Variants in PABPC1 observed in about 807,000 individuals in gnomAD.
PABPC1 encodes the protein poly(A) binding protein cytoplasmic 1.
A neutral mutation model predicts 74.0 loss-of-function variants in PABPC1; 4 were observed. The observed-to-expected ratio is 0.05, with a 90% CI of 0.03 to 0.12. PABPC1 has a LOEUF of 0.12. PABPC1 is among the 10% of genes least tolerant of loss of function. The pLI, the probability that PABPC1 is intolerant of heterozygous loss-of-function variation, is 1.00. For missense variants in PABPC1, 271 were observed against 821.1 expected, an observed-to-expected ratio of 0.33 and a Z score of 8.19; for synonymous variants, 227 against 264.1, an observed-to-expected ratio of 0.86 and a Z score of 1.36.
Position 100,721,645 on chromosome 8 carries a change from TGCCGGGGCTGGGGGCCGGA to T in PABPC1, c.-81_-63del, listed in dbSNP as rs1810835865. ...CTTTCCGTGAGAGGAGGAGAGCGAG[TGCCGGGGCTGGGGGCCGGA>T]GCCGGGGGGAGGGGAGCGGGGAGCA... is the stretch of plus-strand genomic sequence containing the variant. On this transcript the variant is annotated 5_prime_UTR_variant, in exon 1 of 15. Coordinates refer to ENST00000318607, the MANE Select transcript of PABPC1 (RefSeq NM_002568.4). The surrounding 1 kb of genome is among the most constrained non-coding windows in gnomAD (Gnocchi z 7.4). 1 of 996,194 alleles carries T rather than the reference TGCCGGGGCTGGGGGCCGGA, an allele frequency of 1.0e-6. No homozygotes were observed. The highest frequency in any genetic ancestry group is 1.8e-5 in the African/African-American group (1 of 55,714). The allele number at this position is 996,194 out of a possible 1,614,324, so 61.7% of individuals were successfully genotyped here.
intron 7 of PABPC1, among the ~76,000 whole-genome samples, chr8:100,711,583 G>T (rs369682821): frequency 6.6e-5 from 10 of 152,316 alleles, no homozygotes; most frequent in Admixed American, 3.3e-4. Context: ...AAACATTCAG[G>T]AATAAATTCT....
At chr8:100,712,934 G>A (rs1403773292) in intron 5 of PABPC1, 145 bp from the exon 6 acceptor site, 6 of 1,117,192 alleles carry the variant, frequency 5.4e-6, no homozygotes, top group Non-Finnish European at 7.5e-6. Flanking sequence ...GACAATATAG[G>A]TTACCAATTT....
chr8:100,704,903 C>T (rs1810342041), intron 13 of PABPC1, 23 bp downstream of exon 13: 1 of 1,610,532 alleles, frequency 6.2e-7, no homozygotes, highest in Non-Finnish European at 8.5e-7. Flanking sequence ...TAAGAGGCAA[C>T]TTGGTAAATA....
Position 100,706,717 on chromosome 8 carries a change from T to C in PABPC1, c.1536A>G (p.Lys512=), listed in dbSNP as rs147015973. The change falls in exon 11 of 15, where the codon AAA becomes AAG. Residue 512 remains lysine, a synonymous_variant. Transcript: ENST00000318607. Reference sequence around the variant, plus strand: ...GAGGATTGCGAACTCCTGCAGCATATTTATACTGTGGAACGGTGCGGACAG... The same window carrying C: ...GAGGATTGCGAACTCCTGCAGCATACTTATACTGTGGAACGGTGCGGACAG... ...TPAVRTVPQY[K]YAAGVRNPQQ... 1.1e-5 allele frequency: 17 copies of C among 1,614,080 alleles called. No individual in the cohort carries two copies. The African/African-American group carries it at 1.2e-4, about 11-fold the overall frequency.
At chr8:100,720,375 T>G (rs556649670) in intron 1 of PABPC1, among the ~76,000 whole-genome samples, 1 of 152,368 alleles carries the variant, frequency 6.6e-6, no homozygotes, top group African/African-American at 2.4e-5. Context: ...CGTTATTTTG[T>G]ACTCAGTCAT....
At chr8:100,712,584 A>G in intron 6 of PABPC1, 68 bp downstream of exon 6, 1 of 1,554,110 alleles carries the variant, frequency 6.4e-7, no homozygotes, top group East Asian at 2.3e-5. Flanking sequence ...ACCTGGAAGT[A>G]ACTGAAATCA....
Position 100,706,869 on chromosome 8 carries a change from G to C in PABPC1, c.1447+18C>G, listed in dbSNP as rs1184109610. On this transcript the variant is annotated intron_variant, in intron 10 of 14. Coordinates refer to ENST00000318607, the MANE Select transcript of PABPC1 (RefSeq NM_002568.4). The stretch of plus-strand genomic sequence containing the variant: ...TTCAAATTGGTGATCAATTTTTAAA[G>C]GAAGGATTAAGACTCACCAACACGC... 2 of 1,067,922 alleles carry C rather than the reference G, an allele frequency of 1.9e-6. No homozygotes were observed. The highest frequency in any genetic ancestry group is 3.2e-5 in the Admixed American group (1 of 31,342). 66.2% of individuals were successfully genotyped at this position (1,067,922 alleles called of 1,614,324 possible). A position where few individuals can be genotyped will look rare whatever the true frequency, so the allele number is the denominator to read the frequency against.
intron 1 of PABPC1, 57 bp from the exon 2 acceptor site, chr8:100,718,337 A>C: frequency 7.2e-7 from 1 of 1,394,200 alleles, no homozygotes; most frequent in East Asian, 2.4e-5. Flanking sequence ...CTGGCTACTT[A>C]AGATTATATA....
At position 100,712,798 on chromosome 8, in the gene PABPC1, C is replaced by CT; in HGVS notation, c.739-10_739-9insA. 1 of 1,454,872 alleles carries CT rather than the reference C, an allele frequency of 6.9e-7. No homozygotes were observed. Among genetic ancestry groups the CT allele is most frequent in the Non-Finnish European group, 9.1e-7 (1 of 1,103,040 alleles). 90.1% of individuals were successfully genotyped at this position (1,454,872 alleles called of 1,614,324 possible). On this transcript the variant is annotated splice_polypyrimidine_tract_variant and intron_variant, in intron 5 of 14. Coordinates refer to ENST00000318607, the MANE Select transcript of PABPC1 (RefSeq NM_002568.4). Reference sequence around the variant, plus strand: ...TTCATCTCATCCACAGCCTTCCCCCCAAAAAAAAAGAAAAAAAAAAAATCA... The same window carrying CT: ...TTCATCTCATCCACAGCCTTCCCCCCTAAAAAAAAAGAAAAAAAAAAAATCA...
At chr8:100,716,538 C>T (rs1810674875) in intron 3 of PABPC1, among the ~76,000 whole-genome samples, 1 of 152,324 alleles carries the variant, frequency 6.6e-6, no homozygotes, top group African/African-American at 2.4e-5. Flanking sequence ...TTATCTCTAA[C>T]CCAGCTTTAG....
intron 11 of PABPC1, among the ~76,000 whole-genome samples, 191 bp downstream of exon 11, chr8:100,706,460 G>C (rs1810381388): frequency 6.6e-6 from 1 of 151,638 alleles, no homozygotes; most frequent in Non-Finnish European, 1.5e-5. Context: ...CACCCAGCTA[G>C]TTTTCTTTGT....
Position 100,712,808 on chromosome 8 carries a change from G to GA in PABPC1, c.739-20dup, listed in dbSNP as rs60596898. ...CCACAGCCTTCCCCCCAAAAAAAAAGAAAAAAAAAAAATCACAAAACTTTC... is the reference window on the plus strand; with the variant it reads ...CCACAGCCTTCCCCCCAAAAAAAAAGAAAAAAAAAAAAATCACAAAACTTTC... On this transcript the variant is annotated intron_variant, in intron 5 of 14. Coordinates refer to ENST00000318607, the MANE Select transcript of PABPC1 (RefSeq NM_002568.4). 212,882 of 1,278,774 alleles carry GA rather than the reference G, an allele frequency of 0.17. 6,506 individuals are homozygous for GA. Among genetic ancestry groups the GA allele is most frequent in the East Asian group, 0.33 (12,409 of 37,608 alleles). 79.2% of individuals were successfully genotyped at this position (1,278,774 alleles called of 1,614,324 possible).
At chr8:100,714,994 A>C (rs1810628356) in intron 4 of PABPC1, among the ~76,000 whole-genome samples, 1 of 152,134 alleles carries the variant, frequency 6.6e-6, no homozygotes, top group African/African-American at 2.4e-5. Context: ...CATCGCTGAA[A>C]GTCATTGTTT....
intron 9 of PABPC1, among the ~76,000 whole-genome samples, chr8:100,707,593 A>G (rs1810414842): frequency 6.6e-6 from 1 of 152,210 alleles, no homozygotes; most frequent in Non-Finnish European, 1.5e-5. Context: ...TACTACTGCT[A>G]TCTAGAAGGC....
chr8:100,704,316 G>C lies in PABPC1; in HGVS notation c.1893C>G (p.Thr631=), dbSNP rs146621651. The change falls in exon 14 of 15, where the codon ACC becomes ACG. Residue 631 remains threonine (T), a synonymous_variant. Transcript: ENST00000318607. ...GCTCACTTTAAACAGTTGGAACACC[G>C]GTGGCACTGTTAACTGCTTTCTGGG... ...EAAQKAVNSA[T]GVPTV 21 of 1,613,340 alleles carry C rather than the reference G, an allele frequency of 1.3e-5. No homozygotes were observed. The South Asian group carries it at 2.2e-4, about 17-fold the overall frequency.
chr8:100,708,527 T>G (rs969396261), intron 9 of PABPC1, among the ~76,000 whole-genome samples: 1 of 152,314 alleles, frequency 6.6e-6, no homozygotes, highest in Middle Eastern at 3.4e-3. Context: ...ATACCACGAC[T>G]CTGATTCTCA....
chr8:100,704,528 A>G, intron 13 of PABPC1, 138 bp from the exon 14 acceptor site: 2 of 739,902 alleles, frequency 2.7e-6, no homozygotes, highest in South Asian at 1.7e-5. Flanking sequence ...CTAAACAACT[A>G]TATCCATTCA....
intron 1 of PABPC1, among the ~76,000 whole-genome samples, chr8:100,720,912 G>C (rs889447297): frequency 7.2e-5 from 11 of 152,254 alleles, no homozygotes; most frequent in Middle Eastern, 6.8e-3. Flanking sequence ...AGCAGGCCTC[G>C]GGCCTGCGAG....
intron 1 of PABPC1, among the ~76,000 whole-genome samples, chr8:100,719,240 T>C (rs1810749279): frequency 6.6e-6 from 1 of 152,168 alleles, no homozygotes; most frequent in Non-Finnish European, 1.5e-5. Context: ...TTCCTACAAA[T>C]TCCATGCCAA....
Sources: gnomAD v4.1 joint callset for allele counts (sites outside exome capture counted in the v4.1 genomes callset) on GRCh38, gnomAD v4.1.1 for gene constraint, Gnocchi (gnomAD v3.1) non-coding constraint, MANE v1.5 for transcripts, NCBI Gene and HGNC (gene_info 2026-07-23, HGNC 2026-07-21) for gene names.